The following CAMK1D variants were observed in gnomAD, a reference collection of about 807,000 sequenced individuals.
The protein encoded by CAMK1D is calcium/calmodulin-dependent protein kinase type 1D.
A neutral mutation model predicts 47.7 loss-of-function variants in CAMK1D; 9 were observed. The ratio of observed to expected loss-of-function variants is 0.19; its 90% confidence interval spans 0.11 to 0.33. The LOEUF is 0.33. Among genes scored for constraint, CAMK1D ranks in the 10% least tolerant of loss-of-function variants. The pLI, the probability that CAMK1D is intolerant of heterozygous loss-of-function variation, is 1.00. For missense variants in CAMK1D, 291 were observed against 488.7 expected, an observed-to-expected ratio of 0.60 and a Z score of 3.81; for synonymous variants, 184 against 184.9, an observed-to-expected ratio of 0.99 and a Z score of 0.04.
chr10:12,674,042 C>A (rs1840714312), intron 3 of CAMK1D, among the ~76,000 whole-genome samples: 1 of 152,084 alleles, frequency 6.6e-6, no homozygotes, highest in South Asian at 2.1e-4. Context: ...AACTCCTGGG[C>A]TCAAGCGATT....
chr10:12,788,977 A>G (rs1382751941), intron 5 of CAMK1D, among the ~76,000 whole-genome samples: 2 of 152,382 alleles, frequency 1.3e-5, no homozygotes, highest in Non-Finnish European at 2.9e-5. Context: ...TTCGGGGATT[A>G]TCTGTGGAGT....
chr10:12,453,347 G>A (rs546984199), intron 1 of CAMK1D, among the ~76,000 whole-genome samples: 2 of 151,934 alleles, frequency 1.3e-5, no homozygotes, highest in African/African-American at 4.8e-5. Context: ...CTGCCACCAC[G>A]CCCGGCTAAT....
intron 1 of CAMK1D, among the ~76,000 whole-genome samples, chr10:12,541,370 C>A (rs1243898787): frequency 6.6e-6 from 1 of 152,000 alleles, no homozygotes; most frequent in Non-Finnish European, 1.5e-5. Flanking sequence ...TCTTTCTTTT[C>A]TTTTTTTGTT....
At chr10:12,789,536 G>T (rs1331921991) in intron 5 of CAMK1D, among the ~76,000 whole-genome samples, 5 of 152,200 alleles carry the variant, frequency 3.3e-5, no homozygotes, top group African/African-American at 1.2e-4. Context: ...GAGTTCAAAG[G>T]ATTGTAGCAG....
chr10:12,380,010 C>T (rs1271382710), intron 1 of CAMK1D, among the ~76,000 whole-genome samples: 7 of 151,608 alleles, frequency 4.6e-5, no homozygotes, highest in Admixed American at 1.3e-4. Flanking sequence ...GTCAGGAGAT[C>T]GAGACCATCC....
intron 3 of CAMK1D, among the ~76,000 whole-genome samples, chr10:12,741,148 C>T (rs1176020167): frequency 6.6e-6 from 1 of 152,142 alleles, no homozygotes; most frequent in Admixed American, 6.5e-5. Context: ...GCAGAGGGTG[C>T]AAGTGTATTA....
intron 2 of CAMK1D, among the ~76,000 whole-genome samples, chr10:12,627,882 A>C (rs1049451307): frequency 1.6e-4 from 24 of 152,174 alleles, no homozygotes; most frequent in Non-Finnish European, 1.0e-4. Context: ...GATCAAGACC[A>C]TCCTGGCTAA....
intron 2 of CAMK1D, among the ~76,000 whole-genome samples, chr10:12,566,781 C>T (rs1406706524): frequency 6.6e-6 from 1 of 152,164 alleles, no homozygotes; most frequent in Non-Finnish European, 1.5e-5. Flanking sequence ...GTATGTTGCA[C>T]AGGACTGAAG....
In CAMK1D at chr10:12,349,772, C is replaced by A. The variant is rs768991934; in HGVS notation, c.-47C>A. 1.0e-5 allele frequency: 10 copies of A among 1,004,636 alleles called. No individual in the cohort carries two copies. In the East Asian group the frequency reaches 3.4e-4, roughly 34 times the overall value. 62.2% of individuals were successfully genotyped at this position (1,004,636 alleles called of 1,614,324 possible). ...GCCCGCGCCGCGCCCCCGGCGCCCC[C>A]TCCCCAGCGCGCCCCCGGCCGCTCC... On this transcript the variant is annotated 5_prime_UTR_variant, in exon 1 of 11. Transcript: ENST00000619168.
At chr10:12,795,858 C>G (rs1838175310) in intron 6 of CAMK1D, among the ~76,000 whole-genome samples, 1 of 152,128 alleles carries the variant, frequency 6.6e-6, no homozygotes, top group Non-Finnish European at 1.5e-5. Flanking sequence ...GGGATTAGGA[C>G]TTGCAAAAAA....
At chr10:12,592,042 T>C (rs1248825265) in intron 2 of CAMK1D, among the ~76,000 whole-genome samples, 1 of 152,236 alleles carries the variant, frequency 6.6e-6, no homozygotes, top group Non-Finnish European at 1.5e-5. Context: ...TCTTTTCTTA[T>C]TTCAAAAGGA....
chr10:12,783,210 C>T (rs1335249254), intron 5 of CAMK1D, among the ~76,000 whole-genome samples: 1 of 152,142 alleles, frequency 6.6e-6, no homozygotes, highest in Non-Finnish European at 1.5e-5. Context: ...CCAGGCTGGT[C>T]TCAAACTCCT....
At chr10:12,400,521 G>A (rs567033149) in intron 1 of CAMK1D, among the ~76,000 whole-genome samples, 123 of 152,244 alleles carry the variant, frequency 8.1e-4, no homozygotes, top group Non-Finnish European at 1.4e-3. Context: ...ATTCAGAACC[G>A]TGATTTATTC....
chr10:12,603,738 T>G (rs979221970), intron 2 of CAMK1D, among the ~76,000 whole-genome samples: 3 of 152,156 alleles, frequency 2.0e-5, no homozygotes, highest in African/African-American at 4.8e-5. Context: ...TTTGCTTCCC[T>G]TGCTTCTTCT....
intron 3 of CAMK1D, among the ~76,000 whole-genome samples, chr10:12,758,435 G>A (rs1054390338): frequency 4.6e-5 from 7 of 151,944 alleles, no homozygotes; most frequent in Non-Finnish European, 7.4e-5. Flanking sequence ...CTTGTGCCTC[G>A]GTTTCTAAGG....
chr10:12,550,291 G>A (rs1836535407), intron 1 of CAMK1D, among the ~76,000 whole-genome samples: 1 of 152,352 alleles, frequency 6.6e-6, no homozygotes, highest in South Asian at 2.1e-4. Context: ...GATTTATCTG[G>A]TATAAAACCA....
intron 1 of CAMK1D, among the ~76,000 whole-genome samples, chr10:12,503,371 T>C (rs1111062): frequency 0.34 from 51,793 of 152,036 alleles, 9,120 homozygotes; most frequent in African/African-American, 0.42. Context: ...AACTCCTGGG[T>C]ACCAGGTTTA....
chr10:12,694,460 TATATATC>T (rs1833158668), intron 3 of CAMK1D, among the ~76,000 whole-genome samples: 1 of 96,400 alleles, frequency 1.0e-5, no homozygotes. Context: ...ATATATATGT[TATATATC>T]ATATATAAAA....
intron 1 of CAMK1D, among the ~76,000 whole-genome samples, chr10:12,396,344 C>T (rs2131902359): frequency 6.6e-6 from 1 of 152,284 alleles, no homozygotes; most frequent in Admixed American, 6.5e-5. Flanking sequence ...GAGGTAAGAA[C>T]TTGGGGAACG....
Sources: allele counts gnomAD v4.1 joint callset (sites outside exome capture counted in the v4.1 genomes callset), GRCh38; gene constraint gnomAD v4.1.1; transcripts MANE v1.5; gene names NCBI Gene and HGNC (gene_info 2026-07-23, HGNC 2026-07-21).